LYPLAL1: variants seen among roughly 807,000 people sequenced by gnomAD.
The protein encoded by LYPLAL1 is lysophospholipase-like protein 1.
In LYPLAL1, 23 loss-of-function variants were observed where a neutral mutation model predicts 19.7. The observed-to-expected ratio is 1.17, with a 90% CI of 0.84 to 1.65. The LOEUF is 1.65. LYPLAL1 is among the 40% of genes most tolerant of loss of function. The probability of loss-of-function intolerance (pLI) is 0.00; values close to 1 mark genes in which losing one functional copy is unlikely to be tolerated. For synonymous variants in LYPLAL1, 119 were observed against 96.3 expected, an observed-to-expected ratio of 1.24 and a Z score of -1.38; for missense variants, 355 against 279.4, an observed-to-expected ratio of 1.27 and a Z score of -1.93.
chr1:219,188,145 G>A (rs1413071692), intron 2 of LYPLAL1, among the ~76,000 whole-genome samples: 3 of 151,726 alleles, frequency 2.0e-5, no homozygotes, highest in Non-Finnish European at 4.4e-5. Context: ...TCTATTCTAT[G>A]TCAGGCTTTG....
the LYPLAL1 span, among the ~76,000 whole-genome samples, chr1:219,335,407 T>G: frequency 6.6e-6 from 1 of 151,954 alleles, no homozygotes; most frequent in African/African-American, 2.4e-5. Context: ...TTTTCTCATT[T>G]ATATGTAATT....
At chr1:219,400,390 CA>C in the LYPLAL1 span, among the ~76,000 whole-genome samples, 62 of 152,210 alleles carry the variant, frequency 4.1e-4, no homozygotes, top group Middle Eastern at 3.4e-3. Context: ...GGAAGCAAAG[CA>C]AATATCATCA....
At chr1:219,282,360 C>T in the LYPLAL1 span, among the ~76,000 whole-genome samples, 1 of 151,844 alleles carries the variant, frequency 6.6e-6, no homozygotes, top group African/African-American at 2.4e-5. Context: ...ATCTTGTGAG[C>T]TCTCCAGCTA....
At chr1:219,429,725 C>A in the LYPLAL1 span, among the ~76,000 whole-genome samples, 1 of 152,136 alleles carries the variant, frequency 6.6e-6, no homozygotes, top group Admixed American at 6.6e-5. Context: ...CCTGGGGAGC[C>A]ATTTTGTATC....
downstream of LYPLAL1, among the ~76,000 whole-genome samples, chr1:219,214,764 C>T (rs1408658777): frequency 1.4e-5 from 2 of 147,332 alleles, no homozygotes; most frequent in Non-Finnish European, 3.0e-5. Context: ...GATCTCTGCT[C>T]ACTACAACTC....
chr1:219,426,125 C>T, the LYPLAL1 span, among the ~76,000 whole-genome samples: 25 of 152,248 alleles, frequency 1.6e-4, no homozygotes, highest in Middle Eastern at 3.4e-3. Context: ...AGTGTGTATA[C>T]GTTTGGTTTG....
the LYPLAL1 span, among the ~76,000 whole-genome samples, chr1:219,430,917 T>A: frequency 2.0e-5 from 3 of 152,152 alleles, no homozygotes; most frequent in Non-Finnish European, 4.4e-5. Flanking sequence ...CCTCAAATGA[T>A]CCTCCTGCCT....
At chr1:219,271,243 CTATTGGGCACTGTTAAGTGACA>C in the LYPLAL1 span, 1 of 152,330 alleles carries the variant, frequency 6.6e-6, no homozygotes, top group Non-Finnish European at 1.5e-5. Flanking sequence ...CTCGCCCGGC[CTATTGGGCACTGTTAAGTGACA>C]TTTTTGTGAA....
At chr1:219,356,501 A>G in the LYPLAL1 span, among the ~76,000 whole-genome samples, 1 of 152,190 alleles carries the variant, frequency 6.6e-6, no homozygotes, top group South Asian at 2.1e-4. Flanking sequence ...TGCCGTCTCA[A>G]CAACAACAAC....
chr1:219,295,346 A>G, the LYPLAL1 span, among the ~76,000 whole-genome samples: 1 of 151,942 alleles, frequency 6.6e-6, no homozygotes, highest in Non-Finnish European at 1.5e-5. Flanking sequence ...TCTTCATACC[A>G]CCCACCTCCT....
At chr1:219,324,254 G>T in the LYPLAL1 span, among the ~76,000 whole-genome samples, 1 of 152,188 alleles carries the variant, frequency 6.6e-6, no homozygotes, top group African/African-American at 2.4e-5. Context: ...TGAATTTTAA[G>T]CTTCATTCTT....
the LYPLAL1 span, among the ~76,000 whole-genome samples, chr1:219,239,320 T>C: frequency 1.2e-4 from 19 of 152,348 alleles, no homozygotes; most frequent in East Asian, 3.5e-3. Flanking sequence ...TAGCCCTTAG[T>C]GCATTTCCAG....
chr1:219,221,291 A>G, the LYPLAL1 span, among the ~76,000 whole-genome samples: 2 of 152,302 alleles, frequency 1.3e-5, no homozygotes, highest in South Asian at 4.1e-4. Context: ...CCAAGTGATT[A>G]TGGGGAACCT....
the LYPLAL1 span, among the ~76,000 whole-genome samples, chr1:219,253,402 T>C: frequency 8.5e-3 from 1,292 of 152,166 alleles, 17 homozygotes; most frequent in Non-Finnish European, 0.013. Flanking sequence ...AACTTTTTGA[T>C]ATAGGCATTA....
chr1:219,409,342 T>C, the LYPLAL1 span, among the ~76,000 whole-genome samples: 1 of 151,856 alleles, frequency 6.6e-6, no homozygotes, highest in Non-Finnish European at 1.5e-5. Context: ...CCAGTTACTC[T>C]GGAGGCTGAG....
chr1:219,278,181 A>G, the LYPLAL1 span, among the ~76,000 whole-genome samples: 32 of 152,334 alleles, frequency 2.1e-4, no homozygotes, highest in Middle Eastern at 3.4e-3. Flanking sequence ...AAAGCAAACT[A>G]GAACACTAGA....
At chr1:219,323,056 G>T in the LYPLAL1 span, among the ~76,000 whole-genome samples, 4 of 152,178 alleles carry the variant, frequency 2.6e-5, no homozygotes, top group African/African-American at 9.7e-5. Flanking sequence ...CTATAAGCAA[G>T]CACAACTATT....
rs1055054972 is a variant in LYPLAL1 at position 219,211,699 on chromosome 1, C to A, written c.685C>A (p.Leu229Met). The A allele has an allele frequency of 2.5e-6, 4 of 1,607,860 alleles. No individual in the cohort carries two copies. Among genetic ancestry groups the A allele is most frequent in the Non-Finnish European group, 3.4e-6 (4 of 1,177,052 alleles). Residue 229 changes from leucine (L) to methionine (M), a missense_variant, in exon 5 of 5, where the codon CTG becomes ATG. By Grantham distance (15) the Leu-to-Met change is conservative. Coordinates refer to ENST00000366928, the MANE Select transcript of LYPLAL1 (RefSeq NM_138794.5). ...ATTGAAGTTATGGATTCTTACAAAG[C>A]TGCCAGGAGAAATGGAAAAACAAAA... ...DILKLWILTK[L>M]PGEMEKQK is the part of the protein sequence containing the mutation.
intron 1 of LYPLAL1, among the ~76,000 whole-genome samples, chr1:219,177,184 C>T (rs1031336885): frequency 1.3e-5 from 2 of 152,088 alleles, no homozygotes; most frequent in African/African-American, 2.4e-5. Flanking sequence ...GTTCAAGGAA[C>T]AGCAGTAAGG....
Sources: allele counts gnomAD v4.1 joint callset (sites outside exome capture counted in the v4.1 genomes callset), GRCh38; gene constraint gnomAD v4.1.1; transcripts MANE v1.5; gene names NCBI Gene and HGNC (gene_info 2026-07-23, HGNC 2026-07-21).